Variants in MEIS2 observed in about 807,000 individuals in gnomAD.
The protein encoded by MEIS2 is Meis homeobox 2, also known as homeobox protein Meis2.
Under a neutral mutation model 58.6 loss-of-function variants are expected in MEIS2, and 9 were observed. The observed-to-expected ratio is 0.15, with a 90% CI of 0.09 to 0.27. The LOEUF is 0.27. Ranked by LOEUF, MEIS2 falls within the 10% of genes least tolerant of loss-of-function variation. The probability of loss-of-function intolerance (pLI) is 1.00; values close to 1 mark genes in which losing one functional copy is unlikely to be tolerated. For missense variants in MEIS2, 427 were observed against 635.0 expected, an observed-to-expected ratio of 0.67 and a Z score of 3.52; for synonymous variants, 221 against 228.4, an observed-to-expected ratio of 0.97 and a Z score of 0.29.
chr15:37,005,919 G>A (rs926884408), intron 8 of MEIS2, among the ~76,000 whole-genome samples: 1 of 152,076 alleles, frequency 6.6e-6, no homozygotes, highest in Non-Finnish European at 1.5e-5. Context: ...GGAATTTAAC[G>A]GCATGACAAG....
At chr15:36,987,917 T>C (rs1468785626) in intron 8 of MEIS2, among the ~76,000 whole-genome samples, 1 of 152,204 alleles carries the variant, frequency 6.6e-6, no homozygotes, top group Non-Finnish European at 1.5e-5. Context: ...AAATTTTGGT[T>C]CAGCTCTTTT....
At chr15:37,053,898 C>T (rs942896568) in intron 7 of MEIS2, among the ~76,000 whole-genome samples, 25 of 152,248 alleles carry the variant, frequency 1.6e-4, no homozygotes, top group African/African-American at 5.3e-4. Context: ...AAAAATGCCT[C>T]ATATCTATAT....
intron 7 of MEIS2, among the ~76,000 whole-genome samples, chr15:37,050,192 C>G (rs1379883849): frequency 6.6e-6 from 1 of 152,170 alleles, no homozygotes; most frequent in Non-Finnish European, 1.5e-5. Context: ...CTTCCACAAA[C>G]AGATACACAC....
intron 2 of MEIS2, 113 bp from the exon 3 acceptor site, chr15:37,096,543 A>T: frequency 1.5e-6 from 2 of 1,298,226 alleles, no homozygotes; most frequent in Non-Finnish European, 2.1e-6. Flanking sequence ...TTAATACAAC[A>T]GGCACGCACC....
intron 6 of MEIS2, among the ~76,000 whole-genome samples, chr15:37,093,016 C>T (rs1407297406): frequency 6.6e-6 from 1 of 152,068 alleles, no homozygotes; most frequent in African/African-American, 2.4e-5. Flanking sequence ...GGCAATAAGT[C>T]CCTATTCTGA....
At chr15:37,096,164 G>A (rs1894213810) in intron 3 of MEIS2, 125 bp downstream of exon 3, 1 of 1,071,736 alleles carries the variant, frequency 9.3e-7, no homozygotes, top group African/African-American at 1.6e-5. Context: ...GAGGCGTAGA[G>A]AGCGGACTGG....
chr15:37,071,486 T>C (rs1263766547), intron 7 of MEIS2, among the ~76,000 whole-genome samples: 1 of 152,120 alleles, frequency 6.6e-6, no homozygotes, highest in East Asian at 1.9e-4. Flanking sequence ...ATGTGGGATT[T>C]CATTTTTAGT....
At chr15:37,014,929 G>A (rs2061295210) in intron 8 of MEIS2, among the ~76,000 whole-genome samples, 2 of 150,984 alleles carry the variant, frequency 1.3e-5, no homozygotes, top group Admixed American at 6.6e-5. Context: ...AAACACAACT[G>A]TACCACCAAA....
chr15:36,973,240 A>T (rs1169854829), intron 8 of MEIS2, among the ~76,000 whole-genome samples: 1 of 152,206 alleles, frequency 6.6e-6, no homozygotes, highest in Non-Finnish European at 1.5e-5. Context: ...TCAAGATTCC[A>T]CTTAGCTTGA....
chr15:37,020,674 CTT>C (rs556555396), intron 8 of MEIS2, among the ~76,000 whole-genome samples: 24 of 138,634 alleles, frequency 1.7e-4, no homozygotes, highest in Admixed American at 2.2e-4. Flanking sequence ...GCATTCTGGT[CTT>C]TTTTTTTTTT....
chr15:36,938,209 G>A (rs1296938028), intron 9 of MEIS2, among the ~76,000 whole-genome samples: 1 of 151,978 alleles, frequency 6.6e-6, no homozygotes, highest in Non-Finnish European at 1.5e-5. Context: ...CTCTTTTTCT[G>A]GATGAGCTCA....
intron 8 of MEIS2, among the ~76,000 whole-genome samples, chr15:36,994,070 G>A (rs2060392929): frequency 6.6e-6 from 1 of 152,096 alleles, no homozygotes; most frequent in Non-Finnish European, 1.5e-5. Context: ...ATGTGTGTGT[G>A]GGTGGTATAG....
intron 7 of MEIS2, among the ~76,000 whole-genome samples, chr15:37,083,269 AT>A (rs1892465217): frequency 6.6e-6 from 1 of 152,216 alleles, no homozygotes; most frequent in Admixed American, 6.5e-5. Context: ...TCCTCTAAGA[AT>A]TTCAAAATCT....
chr15:36,997,716 A>C (rs903059116), intron 8 of MEIS2, among the ~76,000 whole-genome samples: 33 of 152,014 alleles, frequency 2.2e-4, no homozygotes, highest in African/African-American at 7.0e-4. Flanking sequence ...CTCCTGACCT[A>C]GTGATCTGTC....
At chr15:36,918,943 C>T (rs1373340094) in intron 9 of MEIS2, among the ~76,000 whole-genome samples, 9 of 152,152 alleles carry the variant, frequency 5.9e-5, no homozygotes, top group Non-Finnish European at 5.9e-5. Flanking sequence ...GGAGATGATA[C>T]CTACCTCGTA....
At chr15:37,020,222 C>T (rs1243578228) in intron 8 of MEIS2, among the ~76,000 whole-genome samples, 1 of 152,072 alleles carries the variant, frequency 6.6e-6, no homozygotes, top group Non-Finnish European at 1.5e-5. Flanking sequence ...AATCACAGGT[C>T]CTGAGGAGGG....
At chr15:37,067,088 C>CTTTTTT (rs542247552) in intron 7 of MEIS2, among the ~76,000 whole-genome samples, 2 of 129,572 alleles carry the variant, frequency 1.5e-5, no homozygotes. Context: ...GCAACTAACT[C>CTTTTTT]TTTTTTTTTT....
chr15:36,921,321 T>C (rs753638808), intron 9 of MEIS2, among the ~76,000 whole-genome samples: 1 of 152,162 alleles, frequency 6.6e-6, no homozygotes, highest in Non-Finnish European at 1.5e-5. Flanking sequence ...AATGATCAGT[T>C]CCAATAGAAC....
chr15:36,954,682 T>G (rs1020295982), intron 8 of MEIS2, among the ~76,000 whole-genome samples: 1 of 152,076 alleles, frequency 6.6e-6, no homozygotes, highest in Admixed American at 6.6e-5. Context: ...CACTTGCTGG[T>G]CTACAAAGCT....
Sources: gnomAD v4.1 joint callset for allele counts (sites outside exome capture counted in the v4.1 genomes callset) on GRCh38, gnomAD v4.1.1 for gene constraint, MANE v1.5 for transcripts, NCBI Gene and HGNC (gene_info 2026-07-23, HGNC 2026-07-21) for gene names.